The following DDX54 variants were observed in gnomAD, a reference collection of about 807,000 sequenced individuals.
DDX54 encodes the protein DEAD-box helicase 54.
Under a neutral mutation model 105.5 loss-of-function variants are expected in DDX54, and 67 were observed. That is an observed-to-expected ratio of 0.64 (90% confidence interval 0.52 to 0.78). DDX54 has a LOEUF of 0.78. Ranked by LOEUF, DDX54 falls within the 30% of genes least tolerant of loss-of-function variation. The probability of loss-of-function intolerance (pLI) is 0.00; values close to 1 mark genes in which losing one functional copy is unlikely to be tolerated. For synonymous variants in DDX54, 514 were observed against 509.9 expected (o/e 1.01, Z -0.11); for missense variants, 1,206 against 1,230.5 (o/e 0.98, Z 0.30).
At chr12:113,165,467 TAAG>T in intron 14 of DDX54, among the ~76,000 whole-genome samples, 174 bp downstream of exon 14, 1 of 149,512 alleles carries the variant, frequency 6.7e-6, no homozygotes, top group Non-Finnish European at 1.5e-5. Context: ...GGCTGCAGGT[TAAG>T]AAGCTATAAG....
intron 1 of DDX54, among the ~76,000 whole-genome samples, chr12:113,181,291 C>T (rs1468971540): frequency 6.7e-6 from 1 of 148,608 alleles, no homozygotes. Context: ...AAAGTAAGTA[C>T]ATTTTTTTTT....
chr12:113,179,717 A>C (rs538812909), intron 3 of DDX54, among the ~76,000 whole-genome samples: 7 of 152,334 alleles, frequency 4.6e-5, no homozygotes, highest in African/African-American at 1.7e-4. Flanking sequence ...AGCTGTGGGC[A>C]GCCTCCAGGA....
chr12:113,170,393 C>T (rs1324870825), intron 11 of DDX54, among the ~76,000 whole-genome samples: 1 of 152,174 alleles, frequency 6.6e-6, no homozygotes, highest in Non-Finnish European at 1.5e-5. Context: ...GTAATCACAG[C>T]ACTTTGAGGG....
chr12:113,159,134 C>G, intron 19 of DDX54, 25 bp from the exon 20 acceptor site: 1 of 1,566,040 alleles, frequency 6.4e-7, no homozygotes, highest in Non-Finnish European at 8.6e-7. Flanking sequence ...ATTCAGGGAG[C>G]TCAGCTGTTG....
rs192683291 is a variant in DDX54, at chr12:113,157,398, T to C, written c.*1479A>G. ...GTGAAGGTGTCTGCTCACGCAGCAG[T>C]TGGGAAGGTTGGCCTGAGGCTTTCA... On this transcript the variant is annotated 3_prime_UTR_variant, in exon 20 of 20. Coordinates refer to ENST00000306014, the MANE Select transcript of DDX54 (RefSeq NM_024072.4). 3.2e-4 allele frequency: 187 copies of C among 587,762 alleles called. No homozygotes were observed. Among genetic ancestry groups the C allele is most frequent in the Middle Eastern group, 2.7e-3 (6 of 2,206 alleles). The allele number at this position is 587,762 out of a possible 1,614,324, so 36.4% of individuals were successfully genotyped here. A position where few individuals can be genotyped will look rare whatever the true frequency, so the allele number is the denominator to read the frequency against.
At position 113,178,968 on chromosome 12, in the gene DDX54, G is replaced by A. The variant is rs1952435350; in HGVS notation, c.614+9C>T. 2 of 1,613,836 alleles carry A rather than the reference G, an allele frequency of 1.2e-6. No homozygotes were observed. The highest frequency in any genetic ancestry group is 2.7e-5 in the African/African-American group (2 of 74,914). ...GTGGTGACCCTGGCATGGGGTGCAGGGACCTTACCTGTCTCCACCCAGGAT... is the reference window on the plus strand; with the variant it reads ...GTGGTGACCCTGGCATGGGGTGCAGAGACCTTACCTGTCTCCACCCAGGAT... On this transcript the variant is annotated intron_variant, in intron 5 of 19. Transcript: ENST00000306014.
At position 113,174,693 on chromosome 12, in the gene DDX54, C is replaced by T; in HGVS notation, c.1015G>A (p.Asp339Asn). Residue 339 changes from aspartate to asparagine, a missense_variant, in exon 10 of 20, where the codon GAC (aspartate) becomes AAC (asparagine). By Grantham distance (23) the Asp-to-Asn change is conservative (BLOSUM62 1). Around this residue, in one of 3 missense-constraint regions of DDX54, gnomAD observed 961 missense variants for 1,019.1 expected, o/e 0.94. Coordinates refer to ENST00000306014, the MANE Select transcript of DDX54 (RefSeq NM_024072.4). ...HLLHNVVRPQDQTVVFVATKH... is the reference protein window; with the variant it reads ...HLLHNVVRPQNQTVVFVATKH... ...GTGGCCACAAACACCACGGTCTGGT[C>T]CTGGGGCCGCACCACGTTGTGCAGC... The T allele has an allele frequency of 6.2e-7, 1 of 1,609,978 alleles. No homozygotes were observed. The highest frequency in any genetic ancestry group is 2.2e-5 in the East Asian group (1 of 44,742).
rs1359403361 is a variant in DDX54 at position 113,161,980 on chromosome 12, C to T, written c.2213G>A (p.Arg738Gln). Residue 738 changes from arginine to glutamine, a missense_variant, in exon 18 of 20, where the codon CGG becomes CAG. By Grantham distance (43) the Arg-to-Gln change is conservative (BLOSUM62 1). Transcript: ENST00000306014. ...TTCCTGTCCTGACTGTCCCACAAAC[C>T]GCTTCTTCTTACGGTCCCTGCAGGA... Reference protein sequence around the residue: ...QQLKWDRKKKRFVGQSGQEDK... With the variant: ...QQLKWDRKKKQFVGQSGQEDK... 4.3e-6 allele frequency: 7 copies of T among 1,613,086 alleles called. No homozygotes were observed. Among genetic ancestry groups the T allele is most frequent in the South Asian group, 1.1e-5 (1 of 91,080 alleles).
rs917818033 is a variant in DDX54, at chr12:113,163,930, G to A, written c.1938+137C>T. ...GGATGGTGGACAAGAACCATGCCCC[G>A]ACTCTGCAGATGGGAAGCTGACTGC... On this transcript the variant is annotated intron_variant, in intron 15 of 19. Transcript: ENST00000306014. This position sits in a 1 kb window ranked among gnomAD's most constrained non-coding sequence, Gnocchi z 5.9. 3.5e-6 allele frequency: 5 copies of A among 1,412,230 alleles called. No homozygotes were observed. The highest frequency in any genetic ancestry group is 1.4e-5 in the African/African-American group (1 of 69,426). The allele number at this position is 1,412,230 out of a possible 1,614,324, so 87.5% of individuals were successfully genotyped here.
chr12:113,181,879 C>T (rs961468041), intron 1 of DDX54, among the ~76,000 whole-genome samples: 4 of 151,748 alleles, frequency 2.6e-5, no homozygotes, highest in Non-Finnish European at 5.9e-5. Context: ...CATGGCCAGG[C>T]GTGGTGGCTC....
At chr12:113,176,750 T>C in intron 7 of DDX54, 90 bp downstream of exon 7, 1 of 1,411,410 alleles carries the variant, frequency 7.1e-7, no homozygotes, top group Non-Finnish European at 9.8e-7. Context: ...CACACAGGGC[T>C]CTCCTGGCAG....
intron 2 of DDX54, 50 bp downstream of exon 2, chr12:113,180,879 G>A: frequency 6.2e-7 from 1 of 1,609,162 alleles, no homozygotes; most frequent in South Asian, 1.1e-5. Context: ...AGGCGGGGTT[G>A]ACCTCCAGCT....
At position 113,159,055 on chromosome 12, in the gene DDX54, A is replaced by G; in HGVS notation, c.2468T>C (p.Leu823Pro). 6.2e-7 allele frequency: 1 copy of G among 1,610,544 alleles called. No homozygotes were observed. Among genetic ancestry groups the G allele is most frequent in the Non-Finnish European group, 8.5e-7 (1 of 1,178,838 alleles). The change falls in exon 20 of 20, where the codon CTC becomes CCC. Residue 823 changes from leucine to proline, a missense_variant. Physicochemically the swap from Leu to Pro is moderately conservative, Grantham distance 98. Around this residue, in one of 3 missense-constraint regions of DDX54, gnomAD observed 961 missense variants for 1,019.1 expected, o/e 0.94. Transcript: ENST00000306014. ...GTPAGRVRPE[L>P]KTKQQILKQR... is the part of the protein sequence containing the mutation. ...CTTCAGGATCTGCTGCTTGGTCTTG[A>G]GTTCCGGGCGGACTCGGCCTGCAGG...
chr12:113,176,730 C>T lies in DDX54; in HGVS notation c.752+110G>A, dbSNP rs149486011. 3.3e-3 allele frequency: 3,916 copies of T among 1,191,324 alleles called. 6 individuals carry two copies. The highest frequency in any genetic ancestry group is 3.9e-3 in the Non-Finnish European group (3,237 of 833,352). 73.8% of individuals were successfully genotyped at this position (1,191,324 alleles called of 1,614,324 possible). A position where few individuals can be genotyped will look rare whatever the true frequency, so the allele number is the denominator to read the frequency against. ...GCCCACATCTGGGAAGACACTGCTT[C>T]GATCTCAGCCACACAGGGCTCTCCT... is the stretch of plus-strand genomic sequence containing the variant. On this transcript the variant is annotated intron_variant, in intron 7 of 19. Transcript: ENST00000306014.
chr12:113,166,467 G>A (rs1352650056), intron 12 of DDX54, among the ~76,000 whole-genome samples: 1 of 152,156 alleles, frequency 6.6e-6, no homozygotes, highest in Admixed American at 6.6e-5. Context: ...CCGGGAGGCT[G>A]AGGCAGGAGG....
At position 113,162,951 on chromosome 12, in the gene DDX54, CCCT is replaced by C. The variant is rs1438749250; in HGVS notation, c.2173_2175del (p.Arg725del). The C allele has an allele frequency of 6.2e-7, 1 of 1,603,924 alleles. No individual in the cohort carries two copies. The highest frequency in any genetic ancestry group is 1.3e-5 in the African/African-American group (1 of 74,850). ...ACTCACCACTTGAGCTGCTGCCGGC[CCCT>C]CGTCAGGTTCTGGGCTTCATCCCCC... is the stretch of plus-strand genomic sequence containing the variant. On this transcript the variant is annotated inframe_deletion, in exon 17 of 20. Transcript: ENST00000306014.
At chr12:113,180,109 AGGG>A in intron 2 of DDX54, 104 bp from the exon 3 acceptor site, 2 of 1,091,574 alleles carry the variant, frequency 1.8e-6, no homozygotes, top group Admixed American at 1.8e-5. Flanking sequence ...ATAAACAGCA[AGGG>A]AAAAAAAAAA....
chr12:113,162,218 A>AG (rs1952216492), intron 17 of DDX54, among the ~76,000 whole-genome samples: 1 of 152,078 alleles, frequency 6.6e-6, no homozygotes, highest in African/African-American at 2.4e-5. Flanking sequence ...GGGAGTGCGG[A>AG]GGTCAGAGGA....
At position 113,185,477 on chromosome 12, in the gene DDX54, AG is replaced by A. The variant is rs1354170604; in HGVS notation, c.-27del. The A allele has an allele frequency of 6.8e-7, 1 of 1,469,018 alleles. No homozygotes were observed. Among genetic ancestry groups the A allele is most frequent in the South Asian group, 1.3e-5 (1 of 75,918 alleles). The allele number at this position is 1,469,018 out of a possible 1,614,324, so 91.0% of individuals were successfully genotyped here. On this transcript the variant is annotated 5_prime_UTR_variant, in exon 1 of 20. Coordinates refer to ENST00000306014, the MANE Select transcript of DDX54 (RefSeq NM_024072.4). ...TCGGGCCGCGCGCTGGGAACGCAGA[AG>A]GGGGCGTGGCCTGAGGAGCGCACCA...
Sources: gnomAD v4.1 joint callset for allele counts (sites outside exome capture counted in the v4.1 genomes callset) on GRCh38, gnomAD v4.1.1 for gene constraint, gnomAD v4.1.1 regional missense constraint, Gnocchi (gnomAD v3.1) non-coding constraint, MANE v1.5 for transcripts, NCBI Gene and HGNC (gene_info 2026-07-23, HGNC 2026-07-21) for gene names.